The following DCHS2 variants were observed in gnomAD, a reference collection of about 807,000 sequenced individuals.
DCHS2 encodes dachsous cadherin-related 2, also known as protocadherin-23.
In DCHS2, 142 loss-of-function variants were observed where a neutral mutation model predicts 182.4. That is an observed-to-expected ratio of 0.78 (90% confidence interval 0.68 to 0.89). The LOEUF is 0.89. DCHS2 is among the 40% of genes least tolerant of loss of function. The probability of loss-of-function intolerance (pLI) is 0.00; values close to 1 mark genes in which losing one functional copy is unlikely to be tolerated. For missense variants in DCHS2, 4,319 were observed against 4,198.6 expected, an observed-to-expected ratio of 1.03 and a Z score of -0.79; for synonymous variants, 1,740 against 1,663.3, an observed-to-expected ratio of 1.05 and a Z score of -1.12.
rs763572698 is a variant in DCHS2 at position 154,332,496 on chromosome 4, T to G, written c.3712A>C (p.Lys1238Gln). ...GTGCTACCTGTATTAGGATTCATCT[T>G]GAAGAATTTTCCATCAGACAAAAGG... is the stretch of plus-strand genomic sequence containing the variant. ...YFLLSDGKFFKMNPNTGELIN... is the reference protein window; with the variant it reads ...YFLLSDGKFFQMNPNTGELIN... Residue 1238 changes from lysine to glutamine, a missense_variant, in exon 5 of 20, where the codon AAG (lysine) becomes CAG (glutamine). Physicochemically the swap from Lys to Gln is moderately conservative, Grantham distance 53. Transcript: ENST00000357232. 2 of 1,612,798 alleles carry G rather than the reference T, an allele frequency of 1.2e-6. No individual in the cohort carries two copies. The highest frequency in any genetic ancestry group is 2.7e-5 in the African/African-American group (2 of 74,872).
In DCHS2 at chr4:154,460,655, G is replaced by A. The variant is rs144700005; in HGVS notation, c.2052+28649C>T. On this transcript the variant is annotated intron_variant, in intron 1 of 19. Coordinates refer to ENST00000357232, the MANE Select transcript of DCHS2 (RefSeq NM_001358235.2). The stretch of plus-strand genomic sequence containing the variant: ...GTGGAAATAGTTTTCTGAAAATGTG[G>A]TGGTTGTCAGAAACTTGTGCTTCTG... Among the ~76,000 whole-genome samples the A allele has an allele frequency of 3.8e-4, 58 of 152,228 alleles. No homozygotes were observed. The East Asian group carries it at 0.01, about 27-fold the overall frequency.
chr4:154,356,641 C>A (rs1729885479), intron 3 of DCHS2, among the ~76,000 whole-genome samples: 1 of 152,116 alleles, frequency 6.6e-6, no homozygotes, highest in Admixed American at 6.6e-5. Context: ...TATACAAATT[C>A]TTACCATAGT....
At chr4:154,454,341 T>C (rs952961776) in intron 1 of DCHS2, among the ~76,000 whole-genome samples, 30 of 152,134 alleles carry the variant, frequency 2.0e-4, no homozygotes, top group Non-Finnish European at 1.5e-4. Flanking sequence ...ACTCCTGAGC[T>C]CAAATGATCC....
chr4:154,470,187 A>G (rs1176195611), intron 1 of DCHS2, among the ~76,000 whole-genome samples: 1 of 152,184 alleles, frequency 6.6e-6, no homozygotes, highest in East Asian at 1.9e-4. Context: ...TTAATATTCA[A>G]CAATTTTTAG....
At chr4:154,237,736 T>A (rs1340786293) in intron 19 of DCHS2, 1 of 152,204 alleles carries the variant, frequency 6.6e-6, no homozygotes, top group African/African-American at 2.4e-5. Context: ...ATTTAATTTT[T>A]ATAAATGTGT....
intron 1 of DCHS2, among the ~76,000 whole-genome samples, chr4:154,446,283 C>T (rs901424032): frequency 2.6e-5 from 4 of 152,130 alleles, no homozygotes; most frequent in Non-Finnish European, 5.9e-5. Context: ...TCAATACATC[C>T]TTGAGAGTCA....
In DCHS2 at chr4:154,491,253, G is replaced by T; in HGVS notation, c.103C>A (p.Arg35=). The T allele has an allele frequency of 6.4e-7, 1 of 1,551,372 alleles. No individual in the cohort carries two copies. ...LPGRRDTPHG[R]SGSSGARTQR... Reference sequence around the variant, plus strand: ...GTCCTGGCGCCGCTGCTGCCTGACCGCCCATGGGGTGTATCTCTCCTCCCG... The same window carrying T: ...GTCCTGGCGCCGCTGCTGCCTGACCTCCCATGGGGTGTATCTCTCCTCCCG... Residue 35 remains arginine, a synonymous_variant, in exon 1 of 20, where the codon CGG becomes AGG. Transcript: ENST00000357232.
At chr4:154,288,248 T>C (rs1361829348) in intron 13 of DCHS2, among the ~76,000 whole-genome samples, 2 of 151,604 alleles carry the variant, frequency 1.3e-5, no homozygotes, top group Non-Finnish European at 1.5e-5. Flanking sequence ...TCCATGCAAA[T>C]GGAAACAAAA....
At chr4:154,361,732 C>T (rs1288283444) in intron 3 of DCHS2, among the ~76,000 whole-genome samples, 1 of 152,006 alleles carries the variant, frequency 6.6e-6, no homozygotes, top group African/African-American at 2.4e-5. Context: ...GAGAAAACAA[C>T]CATGACATCG....
At chr4:154,342,731 T>A (rs1729166425) in intron 3 of DCHS2, among the ~76,000 whole-genome samples, 1 of 152,170 alleles carries the variant, frequency 6.6e-6, no homozygotes, top group South Asian at 2.1e-4. Context: ...ACCACTTCAC[T>A]GAAGTGGTGA....
intron 1 of DCHS2, among the ~76,000 whole-genome samples, chr4:154,485,922 G>C (rs1412156980): frequency 1.3e-5 from 2 of 152,140 alleles, no homozygotes; most frequent in East Asian, 3.9e-4. Flanking sequence ...TAATCTTTTT[G>C]ACAGTTATCT....
chr4:154,323,068 C>A, intron 7 of DCHS2: 1 of 825,296 alleles, frequency 1.2e-6, no homozygotes. Flanking sequence ...TTCCTGCCAC[C>A]CATCTCTCTA....
At chr4:154,432,067 C>T (rs1055627084) in intron 1 of DCHS2, among the ~76,000 whole-genome samples, 37 of 152,314 alleles carry the variant, frequency 2.4e-4, no homozygotes, top group African/African-American at 8.7e-4. Flanking sequence ...ATACAACCAC[C>T]CTTACTATCT....
chr4:154,442,426 T>C (rs544384684), intron 1 of DCHS2, among the ~76,000 whole-genome samples: 27 of 151,750 alleles, frequency 1.8e-4, no homozygotes, highest in Non-Finnish European at 2.8e-4. Flanking sequence ...CCCTTGACTG[T>C]ACCTTGAATA....
intron 5 of DCHS2, 62 bp from the exon 6 acceptor site, chr4:154,329,772 C>A (rs2111355750): frequency 2.1e-6 from 3 of 1,444,974 alleles, no homozygotes; most frequent in East Asian, 2.3e-5. Flanking sequence ...AGGGCCAGAA[C>A]CATTTCCAGA....
chr4:154,368,643 A>C (rs1730506511), intron 2 of DCHS2, among the ~76,000 whole-genome samples: 2 of 151,964 alleles, frequency 1.3e-5, no homozygotes. Flanking sequence ...CAGCCTCCCG[A>C]ATAGCTGGGA....
chr4:154,303,917 T>TTG (rs561668127), intron 12 of DCHS2, among the ~76,000 whole-genome samples: 1 of 152,166 alleles, frequency 6.6e-6, no homozygotes, highest in Non-Finnish European at 1.5e-5. Context: ...CTTATTCCCT[T>TTG]TGTGTGTGTA....
At chr4:154,336,595 A>G (rs1728821417) in intron 3 of DCHS2, among the ~76,000 whole-genome samples, 2 of 152,174 alleles carry the variant, frequency 1.3e-5, no homozygotes, top group South Asian at 4.1e-4. Flanking sequence ...TTCCTTTTTT[A>G]TATAAAAATC....
intron 1 of DCHS2, among the ~76,000 whole-genome samples, chr4:154,442,892 C>G (rs1321423298): frequency 6.6e-6 from 1 of 152,036 alleles, no homozygotes; most frequent in African/African-American, 2.4e-5. Context: ...GGTCCATGCC[C>G]TCCTCATGCA....
Sources: allele counts gnomAD v4.1 joint callset (sites outside exome capture counted in the v4.1 genomes callset), GRCh38; gene constraint gnomAD v4.1.1; transcripts MANE v1.5; gene names NCBI Gene and HGNC (gene_info 2026-07-23, HGNC 2026-07-21).